LGALS13: variants seen among roughly 807,000 people sequenced by gnomAD.
LGALS13 encodes galactoside-binding soluble lectin 13.
In LGALS13, 11 loss-of-function variants were observed where a neutral mutation model predicts 13.2. That is an observed-to-expected ratio of 0.83 (90% CI 0.52 to 1.38). The LOEUF is 1.38. LGALS13 is among the 40% of genes most tolerant of loss of function. LGALS13 has a pLI of 0.00. For synonymous variants in LGALS13, 71 were observed against 63.7 expected, an observed-to-expected ratio of 1.11 and a Z score of -0.54; for missense variants, 183 against 174.3, an observed-to-expected ratio of 1.05 and a Z score of -0.28.
intron 2 of LGALS13, 163 bp from the exon 3 acceptor site, chr19:39,605,015 C>CT (rs1336600527): frequency 4.2e-6 from 3 of 715,952 alleles, no homozygotes; most frequent in Non-Finnish European, 5.0e-6. Context: ...ATCTCCCTGC[C>CT]TGGGGGCATG....
chr19:39,604,815 C>A, intron 2 of LGALS13, 137 bp downstream of exon 2: 3 of 1,038,440 alleles, frequency 2.9e-6, no homozygotes, highest in Non-Finnish European at 4.4e-6. Context: ...TCTTGGAGAC[C>A]CTCCAGCACC....
rs540044368 is a variant in LGALS13, at chr19:39,605,475, G to A, written c.303+87G>A. ...CTCATTGATCTGGCCTCAGTAGTCC[G>A]TCAGGGTCCATCTCCCATAACTACT... On this transcript the variant is annotated intron_variant, in intron 3 of 3. Transcript: ENST00000221797. 3.3e-4 allele frequency: 371 copies of A among 1,112,234 alleles called. 3 individuals are homozygous for A. The South Asian group carries it at 4.2e-3, about 13-fold the overall frequency. The allele number at this position is 1,112,234 out of a possible 1,614,324, so 68.9% of individuals were successfully genotyped here. A position where few individuals can be genotyped will look rare whatever the true frequency, so the allele number is the denominator to read the frequency against.
chr19:39,607,166 A>G, intron 3 of LGALS13, 57 bp from the exon 4 acceptor site: 3 of 1,203,158 alleles, frequency 2.5e-6, no homozygotes, highest in Non-Finnish European at 3.7e-6. Context: ...AGTGGAGAGG[A>G]GGCCGAAAAC....
intron 1 of LGALS13, chr19:39,604,061 C>A (rs1012681280): frequency 2.6e-6 from 2 of 768,842 alleles, no homozygotes; most frequent in African/African-American, 1.9e-5. Flanking sequence ...GTTCTTTCAT[C>A]ATTTCCCTCT....
intron 3 of LGALS13, among the ~76,000 whole-genome samples, chr19:39,606,505 G>T (rs1292239350): frequency 6.6e-6 from 1 of 152,066 alleles, no homozygotes; most frequent in Non-Finnish European, 1.5e-5. Context: ...ACAAAAAAAT[G>T]GAAAAACTGG....
chr19:39,603,976 G>T (rs910402876), intron 1 of LGALS13: 23 of 985,288 alleles, frequency 2.3e-5, no homozygotes, highest in Non-Finnish European at 2.4e-5. Context: ...TCAGTAGTGT[G>T]TGCCCCTTCT....
At chr19:39,605,077 C>A (rs1444585711) in intron 2 of LGALS13, 101 bp from the exon 3 acceptor site, 4 of 1,017,336 alleles carry the variant, frequency 3.9e-6, no homozygotes, top group Non-Finnish European at 6.1e-6. Context: ...ATCTGGGAGA[C>A]TTTTTCCCTA....
At chr19:39,604,792 A>G (rs1225551014) in intron 2 of LGALS13, 114 bp downstream of exon 2, 1 of 1,294,376 alleles carries the variant, frequency 7.7e-7, no homozygotes, top group Non-Finnish European at 1.1e-6. Context: ...TGGAGGCCCC[A>G]TGCAGGTGCA....
intron 3 of LGALS13, among the ~76,000 whole-genome samples, chr19:39,605,601 C>T (rs189440438): frequency 3.6e-4 from 55 of 152,218 alleles, no homozygotes; most frequent in African/African-American, 1.3e-3. Flanking sequence ...CCTGACATTT[C>T]CCCCAAAGTA....
rs571525255 is a variant in LGALS13 at position 39,604,693 on chromosome 19, G to A, written c.92+15G>A. 1.9e-6 allele frequency: 3 copies of A among 1,613,776 alleles called. No individual in the cohort carries two copies. The highest frequency in any genetic ancestry group is 1.7e-5 in the Admixed American group (1 of 60,038). On this transcript the variant is annotated intron_variant, in intron 2 of 3. Coordinates refer to ENST00000221797, the MANE Select transcript of LGALS13 (RefSeq NM_013268.3). ...CACTCTTTTATGTGAGTACTCCATGGTCCAATGGAGGGGTTGGAGAAGAAG... is the reference window on the plus strand; with the variant it reads ...CACTCTTTTATGTGAGTACTCCATGATCCAATGGAGGGGTTGGAGAAGAAG...
At chr19:39,605,529 C>T in intron 3 of LGALS13, 141 bp downstream of exon 3, 1 of 738,480 alleles carries the variant, frequency 1.4e-6, no homozygotes, top group Admixed American at 2.0e-5. Context: ...CACAGAGCAC[C>T]CCCTGCTTGC....
At chr19:39,605,489 C>T in intron 3 of LGALS13, 101 bp downstream of exon 3, 1 of 887,376 alleles carries the variant, frequency 1.1e-6, no homozygotes, top group Non-Finnish European at 1.8e-6. Flanking sequence ...GGGTCCATCT[C>T]CCATAACTAC....
chr19:39,604,624 CTT>C lies in LGALS13; in HGVS notation c.40_41del (p.Leu14ValfsTer19). On this transcript the variant is annotated frameshift_variant, in exon 2 of 4. Coordinates refer to ENST00000221797, the MANE Select transcript of LGALS13 (RefSeq NM_013268.3). LOFTEE classifies it high-confidence loss of function. ...CAGGTGCCATACAAACTGCCTGTGT[CTT>C]TGTCTGTTGGTTCCTGCGTGATAAT... 6.2e-7 allele frequency: 1 copy of C among 1,614,194 alleles called. No individual in the cohort carries two copies. Among genetic ancestry groups the C allele is most frequent in the Non-Finnish European group, 8.5e-7 (1 of 1,180,050 alleles).
chr19:39,603,789 T>A (rs750786186), intron 1 of LGALS13: 1 of 251,840 alleles, frequency 4.0e-6, no homozygotes, highest in African/African-American at 2.3e-5. Context: ...GAGTCTGAGG[T>A]TTCAGTGAAC....
chr19:39,604,894 G>T (rs1044990984), intron 2 of LGALS13, among the ~76,000 whole-genome samples: 1 of 152,202 alleles, frequency 6.6e-6, no homozygotes, highest in Non-Finnish European at 1.5e-5. Flanking sequence ...CACTCAGTGG[G>T]TTGGGGCTGT....
At chr19:39,607,192 C>G in intron 3 of LGALS13, 31 bp from the exon 4 acceptor site, 2 of 1,539,444 alleles carry the variant, frequency 1.3e-6, no homozygotes, top group Non-Finnish European at 1.8e-6. Flanking sequence ...TGGTGGCATG[C>G]TTTCTTTCTG....
chr19:39,604,943 C>T (rs578210559), intron 2 of LGALS13: 12 of 650,576 alleles, frequency 1.8e-5, no homozygotes, highest in African/African-American at 3.6e-5. Context: ...CGGGAATGAA[C>T]AAGTCATAGG....
chr19:39,605,791 A>G (rs559652378), intron 3 of LGALS13, among the ~76,000 whole-genome samples: 1 of 152,208 alleles, frequency 6.6e-6, no homozygotes, highest in South Asian at 2.1e-4. Flanking sequence ...CTACCATAGG[A>G]AAAACATTAC....
Position 39,607,274 on chromosome 19 carries a change from T to C in LGALS13, c.355T>C (p.Ser119Pro), listed in dbSNP as rs570302919. 1.9e-6 allele frequency: 3 copies of C among 1,614,160 alleles called. No individual in the cohort carries two copies. The highest frequency in any genetic ancestry group is 4.5e-5 in the East Asian group (2 of 44,866). The change falls in exon 4 of 4, where the codon TCA becomes CCA. Residue 119 changes from serine to proline, a missense_variant. By Grantham distance (74) the Ser-to-Pro change is moderately conservative. Transcript: ENST00000221797. The stretch of plus-strand genomic sequence containing the variant: ...CGGCTTTGTCCATCGAATCCCGCCA[T>C]CATTTGTGAAGATGGTGCAAGTGTC... ...IYGFVHRIPP[S>P]FVKMVQVSRD...
Sources: gnomAD v4.1 joint callset for allele counts (sites outside exome capture counted in the v4.1 genomes callset) on GRCh38, gnomAD v4.1.1 for gene constraint, MANE v1.5 for transcripts, NCBI Gene and HGNC (gene_info 2026-07-23, HGNC 2026-07-21) for gene names.